TBCA: variants seen among roughly 807,000 people sequenced by gnomAD.
The protein encoded by TBCA is tubulin folding cofactor A, also known as tubulin-specific chaperone A.
TBCA carries 6 observed loss-of-function variants against 15.8 expected under a neutral mutation model. The ratio of observed to expected loss-of-function variants is 0.38; its 90% confidence interval spans 0.21 to 0.75. The LOEUF is 0.75. TBCA is among the 30% of genes least tolerant of loss of function. TBCA has a pLI of 0.46. For synonymous variants in TBCA, 32 were observed against 42.3 expected (o/e 0.76, Z 0.94); for missense variants, 90 against 131.2 (o/e 0.69, Z 1.53).
intron 1 of TBCA, among the ~76,000 whole-genome samples, chr5:77,739,251 A>G (rs909410295): frequency 2.0e-5 from 3 of 152,082 alleles, no homozygotes; most frequent in Non-Finnish European, 4.4e-5. Flanking sequence ...ACCTGAGGTC[A>G]GGAGTTTAAG....
intron 1 of TBCA, among the ~76,000 whole-genome samples, chr5:77,731,015 T>A (rs769835849): frequency 5.3e-5 from 8 of 152,166 alleles, no homozygotes; most frequent in Non-Finnish European, 1.2e-4. Context: ...GAGATGAACA[T>A]CATTGTACAT....
chr5:77,722,355 C>T (rs1746546240), intron 1 of TBCA, among the ~76,000 whole-genome samples: 1 of 152,012 alleles, frequency 6.6e-6, no homozygotes, highest in African/African-American at 2.4e-5. Flanking sequence ...AACTGCCATT[C>T]AAATGTGGTA....
intron 1 of TBCA, among the ~76,000 whole-genome samples, chr5:77,755,338 G>C (rs903392414): frequency 3.3e-5 from 5 of 152,152 alleles, no homozygotes; most frequent in African/African-American, 1.2e-4. Flanking sequence ...CGGCACTTTG[G>C]GAGGCCAAGG....
At chr5:77,699,075 C>T (rs1580090568) in intron 2 of TBCA, among the ~76,000 whole-genome samples, 1 of 128,702 alleles carries the variant, frequency 7.8e-6, no homozygotes, top group African/African-American at 3.0e-5. Context: ...CTTAGCTATA[C>T]ATTTATAATG....
In TBCA at chr5:77,744,212, C is replaced by T. The variant is rs181586664; in HGVS notation, c.53+31993G>A. On this transcript the variant is annotated intron_variant, in intron 1 of 3. Transcript: ENST00000380377. ...CACTCAAATGTCACCTGTGATAAGC[C>T]TTCCCTAATCCTAGAATAGTAGTTC... is the stretch of plus-strand genomic sequence containing the variant. Among the ~76,000 whole-genome samples, 536 of 152,220 alleles carry T rather than the reference C, an allele frequency of 3.5e-3. 2 individuals are homozygous for T. Among genetic ancestry groups the T allele is most frequent in the Non-Finnish European group, 6.2e-3 (425 of 68,018 alleles).
chr5:77,737,820 A>T (rs1334722086), intron 1 of TBCA, among the ~76,000 whole-genome samples: 4 of 151,832 alleles, frequency 2.6e-5, no homozygotes, highest in African/African-American at 9.7e-5. Context: ...TTTAACTATC[A>T]ATTTCTCTTC....
intron 1 of TBCA, among the ~76,000 whole-genome samples, chr5:77,755,536 C>A (rs777182743): frequency 6.6e-6 from 1 of 151,780 alleles, no homozygotes; most frequent in Non-Finnish European, 1.5e-5. Flanking sequence ...GATCATGACA[C>A]TGCACTCCAG....
intron 1 of TBCA, among the ~76,000 whole-genome samples, chr5:77,746,504 C>A (rs1468265630): frequency 6.6e-6 from 1 of 152,050 alleles, no homozygotes; most frequent in Non-Finnish European, 1.5e-5. Flanking sequence ...ACTGCAATGC[C>A]CCAATACTAC....
intron 1 of TBCA, among the ~76,000 whole-genome samples, chr5:77,716,142 G>A (rs1746394823): frequency 6.6e-6 from 1 of 152,072 alleles, no homozygotes; most frequent in Non-Finnish European, 1.5e-5. Context: ...GTTTTTAAAA[G>A]AGTCAATGAA....
intron 1 of TBCA, among the ~76,000 whole-genome samples, chr5:77,747,039 A>C (rs368027815): frequency 1.3e-5 from 2 of 152,288 alleles, no homozygotes; most frequent in East Asian, 1.9e-4. Flanking sequence ...ACAAAAATTT[A>C]AGCTATTATA....
At chr5:77,715,721 A>C (rs1369952480) in intron 1 of TBCA, among the ~76,000 whole-genome samples, 1 of 152,226 alleles carries the variant, frequency 6.6e-6, no homozygotes, top group African/African-American at 2.4e-5. Flanking sequence ...ATAAGCAGTT[A>C]ATAACATTTA....
chr5:77,762,023 T>C lies in TBCA; in HGVS notation c.53+14182A>G, dbSNP rs568604378. Among the ~76,000 whole-genome samples, 12 of 152,314 alleles carry C rather than the reference T, an allele frequency of 7.9e-5. No individual in the cohort carries two copies. In the South Asian group the frequency reaches 2.5e-3, roughly 32 times the overall value. The stretch of plus-strand genomic sequence containing the variant: ...GGCCAGGAAAACGGAATGCCTTTAA[T>C]AAGTCTAATAGGCCCCCACCAAAGC... On this transcript the variant is annotated intron_variant, in intron 1 of 3. Coordinates refer to ENST00000380377, the MANE Select transcript of TBCA (RefSeq NM_004607.3).
chr5:77,712,461 C>T (rs865805875), intron 1 of TBCA, among the ~76,000 whole-genome samples: 3 of 151,968 alleles, frequency 2.0e-5, no homozygotes, highest in African/African-American at 7.3e-5. Flanking sequence ...TGGCTCCTCT[C>T]GTTTGCAGGA....
chr5:77,692,797 A>G (rs1745784447), intron 3 of TBCA: 10 of 1,032,206 alleles, frequency 9.7e-6, no homozygotes, highest in Non-Finnish European at 1.2e-5. Context: ...AGTTAGTATG[A>G]GGGGACTACA....
intron 1 of TBCA, among the ~76,000 whole-genome samples, chr5:77,744,467 G>A (rs548062547): frequency 8.7e-4 from 130 of 149,994 alleles, no homozygotes; most frequent in Middle Eastern, 3.5e-3. Context: ...CTGACCTCAT[G>A]AAGCATTCTG....
intron 1 of TBCA, among the ~76,000 whole-genome samples, chr5:77,751,199 CTT>C (rs1561280406): frequency 9.1e-6 from 1 of 110,434 alleles, no homozygotes; most frequent in Non-Finnish European, 1.7e-5. Context: ...CAGTTTCGCT[CTT>C]GTTGCCCTGG....
At chr5:77,736,507 C>T (rs1438276615) in intron 1 of TBCA, among the ~76,000 whole-genome samples, 1 of 152,116 alleles carries the variant, frequency 6.6e-6, no homozygotes. Context: ...CTAATAAGGA[C>T]ATTAAAAAAC....
intron 1 of TBCA, among the ~76,000 whole-genome samples, chr5:77,739,126 CAAAAT>C (rs1205982026): frequency 6.6e-6 from 1 of 152,086 alleles, no homozygotes; most frequent in Non-Finnish European, 1.5e-5. Context: ...TGTCATGATG[CAAAAT>C]AAAATAATAC....
intron 2 of TBCA, among the ~76,000 whole-genome samples, chr5:77,700,030 CAA>C (rs67790719): frequency 7.0e-5 from 6 of 86,086 alleles, no homozygotes; most frequent in Admixed American, 1.5e-4. Context: ...GGCTCTGACT[CAA>C]AAAAAAAAAA....
Sources: gnomAD v4.1 joint callset for allele counts (sites outside exome capture counted in the v4.1 genomes callset) on GRCh38, gnomAD v4.1.1 for gene constraint, MANE v1.5 for transcripts, NCBI Gene and HGNC (gene_info 2026-07-23, HGNC 2026-07-21) for gene names.